Variants in IL21R observed in about 807,000 individuals in gnomAD.
IL21R encodes the protein interleukin 21 receptor.
In IL21R, 14 loss-of-function variants were observed where a neutral mutation model predicts 41.3. The observed-to-expected ratio is 0.34, with a 90% CI of 0.22 to 0.53. IL21R has a LOEUF of 0.53. IL21R is among the 20% of genes least tolerant of loss of function. IL21R has a pLI of 0.94. For synonymous variants in IL21R, 286 were observed against 287.6 expected, an observed-to-expected ratio of 0.99 and a Z score of 0.05; for missense variants, 588 against 681.6, an observed-to-expected ratio of 0.86 and a Z score of 1.53.
intron 1 of IL21R, among the ~76,000 whole-genome samples, chr16:27,402,929 A>G (rs925908986): frequency 6.6e-6 from 1 of 152,222 alleles, no homozygotes. Flanking sequence ...CAAACATAAC[A>G]TGTCAATCAC....
At chr16:27,409,529 T>C (rs1235777488) in intron 1 of IL21R, among the ~76,000 whole-genome samples, 2 of 152,108 alleles carry the variant, frequency 1.3e-5, no homozygotes, top group Non-Finnish European at 2.9e-5. Context: ...AGTCTATCTG[T>C]AGTTTATTTT....
At chr16:27,403,194 C>T (rs1238470778) in intron 1 of IL21R, 1 of 1,343,928 alleles carries the variant, frequency 7.4e-7, no homozygotes, top group African/African-American at 1.5e-5. Flanking sequence ...GCATCTTTCT[C>T]ATGAAGCACG....
intron 1 of IL21R, among the ~76,000 whole-genome samples, chr16:27,408,191 G>A (rs1482290065): frequency 6.6e-6 from 1 of 152,216 alleles, no homozygotes; most frequent in Non-Finnish European, 1.5e-5. Flanking sequence ...AGGAAGGAGT[G>A]ACTCATGCTC....
At chr16:27,406,764 G>A (rs7206845) in intron 1 of IL21R, among the ~76,000 whole-genome samples, 2 of 151,740 alleles carry the variant, frequency 1.3e-5, no homozygotes, top group African/African-American at 2.4e-5. Flanking sequence ...CTCACACTCC[G>A]CATCCAGGCT....
chr16:27,441,170 C>G (rs751002733), intron 4 of IL21R, among the ~76,000 whole-genome samples: 22 of 152,054 alleles, frequency 1.4e-4, no homozygotes, highest in Non-Finnish European at 2.8e-4. Context: ...GGGCAGAGGC[C>G]TGCAACTCCT....
chr16:27,443,074 G>A lies in IL21R; in HGVS notation c.465G>A (p.Gln155=). 1 of 1,614,080 alleles carries A rather than the reference G, an allele frequency of 6.2e-7. No individual in the cohort carries two copies. Among genetic ancestry groups the A allele is most frequent in the Non-Finnish European group, 8.5e-7 (1 of 1,179,972 alleles). ...TCTACATGCTGAAGGGCAAGCTTCA[G>A]TATGAGCTGCAGTACAGGAACCGGG... is the stretch of plus-strand genomic sequence containing the variant. ...PAFYMLKGKL[Q]YELQYRNRGD... is the part of the protein sequence containing the mutation. Residue 155 remains glutamine, a synonymous_variant, in exon 5 of 9, where the codon CAG becomes CAA. Coordinates refer to ENST00000337929, the MANE Select transcript of IL21R (RefSeq NM_181078.3).
At position 27,451,188 on chromosome 16, in the gene IL21R, C is replaced by T; in HGVS notation, c.*1905C>T. ...GTCCAGATGTGCTGTGGTTTTCACA[C>T]CTTCTTGGGGGCAACAGGTTCCAGG... On this transcript the variant is annotated 3_prime_UTR_variant, in exon 9 of 9. Transcript: ENST00000337929. 1 of 228,942 alleles carries T rather than the reference C, an allele frequency of 4.4e-6. No homozygotes were observed. The highest frequency in any genetic ancestry group is 8.5e-6 in the Non-Finnish European group (1 of 117,164). The allele number at this position is 228,942 out of a possible 1,614,324, so 14.2% of individuals were successfully genotyped here. A position where few individuals can be genotyped will look rare whatever the true frequency, so the allele number is the denominator to read the frequency against.
intron 4 of IL21R, among the ~76,000 whole-genome samples, chr16:27,439,433 T>C (rs2141298840): frequency 6.6e-6 from 1 of 151,540 alleles, no homozygotes; most frequent in African/African-American, 2.4e-5. Context: ...CACTCATACA[T>C]GGGCACACAC....
chr16:27,426,178 C>T (rs1487088669), intron 1 of IL21R, among the ~76,000 whole-genome samples: 1 of 152,134 alleles, frequency 6.6e-6, no homozygotes, highest in East Asian at 1.9e-4. Context: ...AGCAAACTGC[C>T]CAAGGCCACA....
At chr16:27,424,471 A>G (rs1010672694) in intron 1 of IL21R, among the ~76,000 whole-genome samples, 9 of 152,130 alleles carry the variant, frequency 5.9e-5, no homozygotes, top group Non-Finnish European at 1.0e-4. Context: ...AATTTGGTCA[A>G]CTTTTAGGGT....
rs1430665419 is a variant in IL21R, at chr16:27,444,641, G to A, written c.607G>A (p.Gly203Arg). The change falls in exon 6 of 9, where the codon GGG (glycine) becomes AGG (arginine). Residue 203 changes from glycine to arginine, a missense_variant. Physicochemically the swap from Gly to Arg is moderately radical, Grantham distance 125 (BLOSUM62 -2). Transcript: ENST00000337929. ...DSSYELQVRA[G>R]PMPGSSYQGT... is the part of the protein sequence containing the mutation. Reference sequence around the variant, plus strand: ...GAGCTATGAGCTGCAGGTGCGGGCAGGGCCCATGCCTGGCTCCTCCTACCA... The same window carrying A: ...GAGCTATGAGCTGCAGGTGCGGGCAAGGCCCATGCCTGGCTCCTCCTACCA... The A allele has an allele frequency of 2.5e-6, 4 of 1,588,504 alleles. No homozygotes were observed. The highest frequency in any genetic ancestry group is 1.7e-4 in the Middle Eastern group (1 of 5,996).
chr16:27,448,431 G>T, intron 8 of IL21R, 103 bp from the exon 9 acceptor site: 1 of 1,248,110 alleles, frequency 8.0e-7, no homozygotes, highest in Non-Finnish European at 1.1e-6. Flanking sequence ...TTCCAGCCTG[G>T]GCAGCAGAGC....
rs115341409 is a variant in IL21R, at chr16:27,418,363, C to T, written c.-16-11693C>T. On this transcript the variant is annotated intron_variant, in intron 1 of 8. Coordinates refer to ENST00000337929, the MANE Select transcript of IL21R (RefSeq NM_181078.3). ...GATTACAGGCGTAAGCTACCGCGCC[C>T]GGCCCTATTTTATTTCATTTTTTGA... Among the ~76,000 whole-genome samples the T allele has an allele frequency of 9.2e-3, 1,378 of 150,274 alleles. 15 individuals are homozygous for T. The highest frequency in any genetic ancestry group is 0.031 in the African/African-American group (1,284 of 40,786).
intron 1 of IL21R, among the ~76,000 whole-genome samples, chr16:27,405,959 C>A (rs1222066566): frequency 6.6e-6 from 1 of 152,258 alleles, no homozygotes; most frequent in African/African-American, 2.4e-5. Context: ...CTGAATTGTC[C>A]CCGGGGAGTT....
At chr16:27,413,388 G>A (rs1469544816) in intron 1 of IL21R, among the ~76,000 whole-genome samples, 3 of 152,012 alleles carry the variant, frequency 2.0e-5, no homozygotes, top group African/African-American at 7.2e-5. Flanking sequence ...TTTTGCATCA[G>A]TATTCATCAA....
intron 5 of IL21R, among the ~76,000 whole-genome samples, chr16:27,443,574 G>C (rs2141307450): frequency 6.6e-6 from 1 of 152,294 alleles, no homozygotes; most frequent in Middle Eastern, 3.4e-3. Context: ...CTTGAGGTCA[G>C]GAGTTTGAGA....
intron 4 of IL21R, among the ~76,000 whole-genome samples, chr16:27,439,347 C>T (rs991671814): frequency 1.3e-5 from 2 of 151,526 alleles, no homozygotes; most frequent in South Asian, 4.2e-4. Context: ...CTCTCATACA[C>T]ACTCACACAT....
Position 27,431,079 on chromosome 16 carries a change from G to A in IL21R, c.49+959G>A, listed in dbSNP as rs542257587. Among the ~76,000 whole-genome samples the A allele has an allele frequency of 1.0e-3, 159 of 152,238 alleles. 2 individuals are homozygous for A. The highest frequency in any genetic ancestry group is 3.4e-3 in the Middle Eastern group (1 of 294). ...CTGGAGGAGGGGGCCATGAGGAGGC[G>A]GGATCCAGCACAGACTTGTGTGGAG... On this transcript the variant is annotated intron_variant, in intron 2 of 8. Coordinates refer to ENST00000337929, the MANE Select transcript of IL21R (RefSeq NM_181078.3).
intron 4 of IL21R, among the ~76,000 whole-genome samples, chr16:27,438,864 C>T (rs1056410797): frequency 5.9e-5 from 9 of 152,070 alleles, no homozygotes; most frequent in Non-Finnish European, 1.0e-4. Flanking sequence ...AGTGAGACTC[C>T]GTCTCAAACA....
Sources: allele counts gnomAD v4.1 joint callset (sites outside exome capture counted in the v4.1 genomes callset), GRCh38; gene constraint gnomAD v4.1.1; transcripts MANE v1.5; gene names NCBI Gene and HGNC (gene_info 2026-07-23, HGNC 2026-07-21).